GNB1L: variants seen among roughly 807,000 people sequenced by gnomAD.
GNB1L encodes G protein subunit beta 1 like.
Under a neutral mutation model 29.1 loss-of-function variants are expected in GNB1L, and 20 were observed. That is an observed-to-expected ratio of 0.69 (90% CI 0.48 to 1.00). The LOEUF is 1.00. Ranked by LOEUF, GNB1L falls within the 50% of genes least tolerant of loss-of-function variation. GNB1L has a pLI of 0.00. For synonymous variants in GNB1L, 193 were observed against 206.5 expected (o/e 0.93, Z 0.56); for missense variants, 421 against 464.9 (o/e 0.91, Z 0.87).
chr22:19,813,977 T>C (rs1460362333), intron 4 of GNB1L, among the ~76,000 whole-genome samples: 2 of 151,768 alleles, frequency 1.3e-5, no homozygotes, highest in African/African-American at 4.8e-5. Flanking sequence ...GGAGACCCTG[T>C]CTCAAAAAAT....
intron 2 of GNB1L, among the ~76,000 whole-genome samples, chr22:19,823,953 G>A (rs1315953534): frequency 6.6e-6 from 1 of 152,248 alleles, no homozygotes; most frequent in Non-Finnish European, 1.5e-5. Context: ...CTTGGGCGGT[G>A]CCAGCCGAAG....
In GNB1L at chr22:19,806,645, A is replaced by C. The variant is rs773809059; in HGVS notation, c.516+14T>G. On this transcript the variant is annotated intron_variant, in intron 6 of 7. Coordinates refer to ENST00000329517, the MANE Select transcript of GNB1L (RefSeq NM_053004.3). ...GTGGCCGGCAGGGCGTGGCTGGTGC[A>C]CGCGGGGCCTTACCTGCCACAGCCG... 20 of 1,561,436 alleles carry C rather than the reference A, an allele frequency of 1.3e-5. No homozygotes were observed. The East Asian group carries it at 4.5e-4, about 35-fold the overall frequency.
intron 2 of GNB1L, chr22:19,849,360 T>C (rs906231030): frequency 2.1e-5 from 19 of 914,460 alleles, no homozygotes; most frequent in Non-Finnish European, 2.5e-5. Context: ...AATAAGGTTT[T>C]TGTTTTTTGT....
chr22:19,787,799 T>G lies in GNB1L; in HGVS notation c.*910A>C, dbSNP rs976521503. ...TTCTTTCCCAATCAACACCCGCTTT[T>G]AGGAGGAGACGACCGGCCAGGCTGG... On this transcript the variant is annotated 3_prime_UTR_variant, in exon 8 of 8. Coordinates refer to ENST00000329517, the MANE Select transcript of GNB1L (RefSeq NM_053004.3). 6 of 152,690 alleles carry G rather than the reference T, an allele frequency of 3.9e-5. No homozygotes were observed. Among genetic ancestry groups the G allele is most frequent in the Non-Finnish European group, 8.8e-5 (6 of 68,300 alleles). The allele number at this position is 152,690 out of a possible 1,614,324, so 9.5% of individuals were successfully genotyped here.
chr22:19,847,713 G>A, intron 2 of GNB1L: 1 of 979,764 alleles, frequency 1.0e-6, no homozygotes, highest in Non-Finnish European at 1.2e-6. Flanking sequence ...TTATATTATT[G>A]TGTATTCCCA....
intron 2 of GNB1L, among the ~76,000 whole-genome samples, chr22:19,823,677 C>T (rs866571038): frequency 4.6e-5 from 7 of 152,198 alleles, no homozygotes; most frequent in Admixed American, 2.6e-4. Context: ...AGTCCAGGCA[C>T]GAACACACAT....
At chr22:19,809,082 C>T (rs1937468890) in intron 5 of GNB1L, among the ~76,000 whole-genome samples, 2 of 152,012 alleles carry the variant, frequency 1.3e-5, no homozygotes, top group South Asian at 4.2e-4. Context: ...AGGACAGGCA[C>T]TCCTGCCTTC....
intron 2 of GNB1L, chr22:19,852,169 G>T (rs1445373343): frequency 6.2e-7 from 1 of 1,614,080 alleles, no homozygotes; most frequent in South Asian, 1.1e-5. Context: ...GAGACGCCTT[G>T]TCCATCTGCT....
At chr22:19,812,907 A>G (rs1308704070) in intron 4 of GNB1L, among the ~76,000 whole-genome samples, 1 of 151,940 alleles carries the variant, frequency 6.6e-6, no homozygotes, top group African/African-American at 2.4e-5. Context: ...AAAGACAAAA[A>G]TAACTGTGCA....
At chr22:19,810,220 C>T (rs984716433) in intron 5 of GNB1L, among the ~76,000 whole-genome samples, 19 of 152,074 alleles carry the variant, frequency 1.2e-4, no homozygotes, top group Non-Finnish European at 2.1e-4. Context: ...GGGAGGGCTG[C>T]GGAGGAGGCA....
chr22:19,846,565 G>T (rs540530746), intron 2 of GNB1L: 5 of 985,308 alleles, frequency 5.1e-6, no homozygotes, highest in Non-Finnish European at 4.8e-6. Context: ...AGCCTATCGC[G>T]GGCACCGCTG....
intron 5 of GNB1L, among the ~76,000 whole-genome samples, chr22:19,809,400 C>T (rs1937473165): frequency 6.6e-6 from 1 of 152,198 alleles, no homozygotes; most frequent in Non-Finnish European, 1.5e-5. Context: ...GCTACTTCCA[C>T]TCAATAAAAC....
At chr22:19,792,832 C>T (rs750578835) in intron 7 of GNB1L, 85 of 1,237,554 alleles carry the variant, frequency 6.9e-5, no homozygotes, top group Non-Finnish European at 9.7e-5. Context: ...ATGGGGGTCC[C>T]TTACTGCATT....
chr22:19,808,549 C>T (rs992300943), intron 5 of GNB1L, among the ~76,000 whole-genome samples: 14 of 152,104 alleles, frequency 9.2e-5, no homozygotes, highest in Non-Finnish European at 1.6e-4. Context: ...GGATTCCTTG[C>T]GGAAAAACCG....
At chr22:19,850,432 A>G (rs1938066898) in intron 2 of GNB1L, 19 of 992,776 alleles carry the variant, frequency 1.9e-5, no homozygotes, top group Non-Finnish European at 2.3e-5. Flanking sequence ...GCAGCAGGGA[A>G]GAGGAGCCTG....
chr22:19,822,284 T>A (rs1601337327), intron 2 of GNB1L, among the ~76,000 whole-genome samples: 1 of 151,890 alleles, frequency 6.6e-6, no homozygotes, highest in Non-Finnish European at 1.5e-5. Flanking sequence ...AGAGTCGCCG[T>A]GCGGCTCCTT....
chr22:19,850,807 AG>A, intron 2 of GNB1L: 1 of 1,293,260 alleles, frequency 7.7e-7, no homozygotes, highest in Non-Finnish European at 9.8e-7. Flanking sequence ...GAAGACACCA[AG>A]GGGGGTGTTT....
chr22:19,844,751 C>A, intron 2 of GNB1L, among the ~76,000 whole-genome samples: 1 of 152,220 alleles, frequency 6.6e-6, no homozygotes, highest in Non-Finnish European at 1.5e-5. Flanking sequence ...TGTTAGCCAG[C>A]CTGCCCCAGG....
In GNB1L at chr22:19,853,394, T is replaced by A. The variant is rs1476446324; in HGVS notation, c.-21+1049A>T. Among the ~76,000 whole-genome samples the A allele has an allele frequency of 2.0e-5, 3 of 152,212 alleles. No individual in the cohort carries two copies. In the Middle Eastern group the frequency reaches 0.01, roughly 518 times the overall value. On this transcript the variant is annotated intron_variant, in intron 2 of 7. Coordinates refer to ENST00000329517, the MANE Select transcript of GNB1L (RefSeq NM_053004.3). ...GAGCCAGTAGCCAGTTCTATTCCAG[T>A]GCAAGGAGCCCTCCTGTAGGGCTCT...
Sources: allele counts gnomAD v4.1 joint callset (sites outside exome capture counted in the v4.1 genomes callset), GRCh38; gene constraint gnomAD v4.1.1; transcripts MANE v1.5; gene names NCBI Gene and HGNC (gene_info 2026-07-23, HGNC 2026-07-21).